Variants in FHIT observed in about 807,000 individuals in gnomAD.
The protein encoded by FHIT is bis(5'-adenosyl)-triphosphatase.
In FHIT, 19 loss-of-function variants were observed where a neutral mutation model predicts 17.9. The observed-to-expected ratio is 1.06, with a 90% CI of 0.74 to 1.56. The LOEUF is 1.56. FHIT is among the 40% of genes most tolerant of loss of function. FHIT has a pLI of 0.00. For missense variants in FHIT, 248 were observed against 189.2 expected (o/e 1.31, Z -1.82); for synonymous variants, 81 against 69.7 (o/e 1.16, Z -0.81).
chr3:60,371,589 A>T lies in FHIT; in HGVS notation c.103+165271T>A, dbSNP rs537068404. 3.9e-5 allele frequency among the ~76,000 whole-genome samples: 6 copies of T among 152,272 alleles called. No homozygotes were observed. In the South Asian group the frequency reaches 1.2e-3, roughly 32 times the overall value. On this transcript the variant is annotated intron_variant, in intron 5 of 9. Transcript: ENST00000492590. ...TACAAGGCTCTTCTTTTTATTTTTCAATCTTACTGGAATGAAAAGCAATAA... is the reference window on the plus strand; with the variant it reads ...TACAAGGCTCTTCTTTTTATTTTTCTATCTTACTGGAATGAAAAGCAATAA...
chr3:60,812,819 G>T (rs1258491224), intron 4 of FHIT, among the ~76,000 whole-genome samples: 4 of 152,164 alleles, frequency 2.6e-5, no homozygotes, highest in Non-Finnish European at 5.9e-5. Flanking sequence ...GAAACAGACA[G>T]ATTCAGATTT....
At chr3:59,865,576 G>T (rs564140619) in intron 8 of FHIT, among the ~76,000 whole-genome samples, 1 of 152,332 alleles carries the variant, frequency 6.6e-6, no homozygotes, top group African/African-American at 2.4e-5. Context: ...GGGATTCTAG[G>T]TCAGAGCCTC....
chr3:59,774,426 G>T (rs977656282), intron 8 of FHIT, among the ~76,000 whole-genome samples: 1 of 152,200 alleles, frequency 6.6e-6, no homozygotes, highest in African/African-American at 2.4e-5. Context: ...ACTTTTTGGT[G>T]TGTGAGGTTC....
chr3:60,201,923 C>T (rs1316536473), intron 5 of FHIT, among the ~76,000 whole-genome samples: 1 of 152,118 alleles, frequency 6.6e-6, no homozygotes. Flanking sequence ...AGCATTACAG[C>T]CACCAAAACC....
At chr3:60,036,293 C>T (rs1050919662) in intron 5 of FHIT, among the ~76,000 whole-genome samples, 1 of 152,194 alleles carries the variant, frequency 6.6e-6, no homozygotes, top group Non-Finnish European at 1.5e-5. Flanking sequence ...AAGAAAACCA[C>T]AGTCCTTCCT....
At chr3:60,400,945 G>A (rs1323726775) in intron 5 of FHIT, among the ~76,000 whole-genome samples, 1 of 151,894 alleles carries the variant, frequency 6.6e-6, no homozygotes, top group East Asian at 1.9e-4. Flanking sequence ...TAGACAACCT[G>A]AAAATGTTAG....
chr3:61,021,409 C>T lies in FHIT; in HGVS notation c.-111+20638G>A, dbSNP rs1041307741. Among the ~76,000 whole-genome samples, 3 of 144,794 alleles carry T rather than the reference C, an allele frequency of 2.1e-5. No individual in the cohort carries two copies. The Admixed American group carries it at 2.1e-4, about 10-fold the overall frequency. 95.0% of individuals were successfully genotyped at this position (144,794 alleles called of 152,430 possible). On this transcript the variant is annotated intron_variant, in intron 3 of 9. Transcript: ENST00000492590. ...GGTCAGGAGATCGAGACCATCCCAG[C>T]TAAAACGGTGAAACCCCGTCTCTAC...
At chr3:60,627,595 C>A (rs2039324887) in intron 4 of FHIT, among the ~76,000 whole-genome samples, 1 of 152,106 alleles carries the variant, frequency 6.6e-6, no homozygotes, top group Non-Finnish European at 1.5e-5. Flanking sequence ...GGGATCTAGG[C>A]TCACTGAAAC....
intron 4 of FHIT, among the ~76,000 whole-genome samples, chr3:60,601,984 T>A (rs2038458597): frequency 6.6e-6 from 1 of 152,108 alleles, no homozygotes; most frequent in South Asian, 2.1e-4. Context: ...CAAAATAATT[T>A]CACTGAATAC....
intron 5 of FHIT, among the ~76,000 whole-genome samples, chr3:60,303,004 A>G (rs1376156726): frequency 6.6e-6 from 1 of 152,170 alleles, no homozygotes; most frequent in Non-Finnish European, 1.5e-5. Flanking sequence ...AGTTATGAAA[A>G]ACCTTTAATA....
chr3:60,456,528 A>G (rs2032104288), intron 5 of FHIT, among the ~76,000 whole-genome samples: 1 of 152,180 alleles, frequency 6.6e-6, no homozygotes, highest in Non-Finnish European at 1.5e-5. Flanking sequence ...TCAGCATTTA[A>G]CTCGACTTCC....
intron 5 of FHIT, among the ~76,000 whole-genome samples, chr3:60,521,468 C>G (rs1276409791): frequency 6.6e-6 from 1 of 152,068 alleles, no homozygotes; most frequent in Admixed American, 6.5e-5. Context: ...AGGATGGTCT[C>G]GATCTGCTGA....
chr3:60,591,438 G>A lies in FHIT; in HGVS notation c.-17-54459C>T, dbSNP rs57005337. 4.7e-3 allele frequency among the ~76,000 whole-genome samples: 715 copies of A among 152,152 alleles called. 5 individuals are homozygous for A. Among genetic ancestry groups the A allele is most frequent in the African/African-American group, 0.016 (668 of 41,536 alleles). ...GGTGTTTACATTATTTGACAGCAAG[G>A]AGCCCCAGAGCAGGAGCTAGTTCCA... On this transcript the variant is annotated intron_variant, in intron 4 of 9. Transcript: ENST00000492590.
chr3:60,710,653 C>G (rs543335285), intron 4 of FHIT, among the ~76,000 whole-genome samples: 1 of 152,204 alleles, frequency 6.6e-6, no homozygotes, highest in African/African-American at 2.4e-5. Flanking sequence ...CCTACACCCA[C>G]GGAGTCTCAC....
chr3:60,883,393 AC>A lies in FHIT; in HGVS notation c.-110-61383del, dbSNP rs1705060854. 5.3e-5 allele frequency among the ~76,000 whole-genome samples: 8 copies of A among 152,262 alleles called. No individual in the cohort carries two copies. The South Asian group carries it at 1.7e-3, about 32-fold the overall frequency. ...TAAAATTTATGTGGAACCACTGAAG[AC>A]CCCAAATAGCCAAAGCAATCCCCAG... On this transcript the variant is annotated intron_variant, in intron 3 of 9. Transcript: ENST00000492590.
intron 5 of FHIT, among the ~76,000 whole-genome samples, chr3:60,056,426 C>A (rs925740136): frequency 2.6e-5 from 4 of 152,176 alleles, no homozygotes; most frequent in African/African-American, 7.2e-5. Context: ...CCACCCTGTC[C>A]CGATTCTATT....
chr3:59,789,480 G>A lies in FHIT; in HGVS notation c.349-37159C>T, dbSNP rs149845279. 5.6e-3 allele frequency among the ~76,000 whole-genome samples: 845 copies of A among 152,224 alleles called. 6 individuals carry two copies. The highest frequency in any genetic ancestry group is 0.019 in the African/African-American group (784 of 41,548). On this transcript the variant is annotated intron_variant, in intron 8 of 9. Transcript: ENST00000492590. ...TAAGATTAATACTTTCTGTTCATTA[G>A]CAATCAAATATTGCAGGAAGGTTTA...
chr3:60,114,157 ATTAC>A (rs1286988868), intron 5 of FHIT, among the ~76,000 whole-genome samples: 22 of 148,594 alleles, frequency 1.5e-4, no homozygotes, highest in South Asian at 6.4e-4. Context: ...TTTTATGTAA[ATTAC>A]TTACTTAATC....
chr3:60,651,663 A>G (rs1577028238), intron 4 of FHIT, among the ~76,000 whole-genome samples: 1 of 152,194 alleles, frequency 6.6e-6, no homozygotes, highest in African/African-American at 2.4e-5. Flanking sequence ...AGAAAAATGA[A>G]CGGAACACAC....
Sources: gnomAD v4.1 joint callset for allele counts (sites outside exome capture counted in the v4.1 genomes callset) on GRCh38, gnomAD v4.1.1 for gene constraint, MANE v1.5 for transcripts, NCBI Gene and HGNC (gene_info 2026-07-23, HGNC 2026-07-21) for gene names.